ENPP2: variants seen among roughly 807,000 people sequenced by gnomAD.
ENPP2 encodes the protein ectonucleotide pyrophosphatase/phosphodiesterase 2.
A neutral mutation model predicts 120.2 loss-of-function variants in ENPP2; 51 were observed. The observed-to-expected ratio is 0.42, with a 90% CI of 0.34 to 0.54. The LOEUF (loss-of-function observed/expected upper bound fraction) is 0.54. Among genes scored for constraint, ENPP2 ranks in the 20% least tolerant of loss-of-function variants. The pLI is 0.04. For missense variants in ENPP2, 920 were observed against 1,066.5 expected (o/e 0.86, Z 1.91); for synonymous variants, 365 against 366.4 (o/e 1.00, Z 0.04).
chr8:119,633,599 T>G (rs1181295214), intron 2 of ENPP2, among the ~76,000 whole-genome samples: 3 of 152,058 alleles, frequency 2.0e-5, no homozygotes, highest in Admixed American at 2.0e-4. Context: ...ATTATGCCTC[T>G]TCTGGAGTAT....
intron 5 of ENPP2, 32 bp from the exon 6 acceptor site, chr8:119,617,595 CATT>C (rs1303737526): frequency 6.2e-6 from 9 of 1,454,808 alleles, no homozygotes; most frequent in Non-Finnish European, 9.6e-7. Flanking sequence ...CTTTTAGAAA[CATT>C]ATTACCAGAG....
chr8:119,557,220 G>T lies in ENPP2; in HGVS notation c.*301C>A, dbSNP rs555705100. 4.0e-4 allele frequency: 120 copies of T among 296,858 alleles called. 1 individual carries two copies. Among genetic ancestry groups the T allele is most frequent in the Middle Eastern group, 2.2e-3 (2 of 928 alleles). 18.4% of individuals were successfully genotyped at this position (296,858 alleles called of 1,614,324 possible). On this transcript the variant is annotated 3_prime_UTR_variant, in exon 25 of 25. Transcript: ENST00000075322. ...TTCCATACAGTACAGGACTAAATGTGGCAACTGTGCATTGGAAAATTAATA... is the reference window on the plus strand; with the variant it reads ...TTCCATACAGTACAGGACTAAATGTTGCAACTGTGCATTGGAAAATTAATA...
intron 11 of ENPP2, chr8:119,595,958 C>G: frequency 6.2e-7 from 1 of 1,614,004 alleles, no homozygotes. Context: ...CAACTTTCCT[C>G]TTAGGTCTCT....
intron 8 of ENPP2, among the ~76,000 whole-genome samples, chr8:119,610,469 T>C (rs1335112207): frequency 6.8e-6 from 1 of 147,792 alleles, no homozygotes; most frequent in African/African-American, 2.5e-5. Context: ...GAAAAGTGAA[T>C]ACAAGCCGAT....
rs1181929902 is a variant in ENPP2, at chr8:119,638,526, A to G, written c.35T>C (p.Ile12Thr). Residue 12 changes from isoleucine to threonine, a missense_variant and splice_region_variant, in exon 2 of 25, where the codon ATA (isoleucine) becomes ACA (threonine). Physicochemically the swap from Ile to Thr is moderately conservative, Grantham distance 89. Coordinates refer to ENST00000075322, the MANE Select transcript of ENPP2 (RefSeq NM_001040092.3). ...ARRSSFQSCQ[I>T]ISLFTFAVGV... The stretch of plus-strand genomic sequence containing the variant: ...AACGGCAAAAGTGAACAGGGATATT[A>G]TCTAAGAGAATAAAGAGACCAAGTT... 2 of 1,547,182 alleles carry G rather than the reference A, an allele frequency of 1.3e-6. No individual in the cohort carries two copies. Among genetic ancestry groups the G allele is most frequent in the South Asian group, 2.2e-5 (2 of 89,780 alleles).
In ENPP2 at chr8:119,617,880, C is replaced by A. The variant is rs1176527868; in HGVS notation, c.480-317G>T. On this transcript the variant is annotated intron_variant, in intron 5 of 24. Transcript: ENST00000075322. ...AGGAGAATCACTTGAACAGGGGAGA[C>A]AGATGTTGCAGTGAGCTGAGATCGC... 2.6e-5 allele frequency among the ~76,000 whole-genome samples: 4 copies of A among 152,084 alleles called. No homozygotes were observed. The East Asian group carries it at 7.7e-4, about 29-fold the overall frequency.
At chr8:119,582,752 C>T (rs184540125) in intron 17 of ENPP2, 150 bp from the exon 18 acceptor site, 16 of 626,952 alleles carry the variant, frequency 2.6e-5, no homozygotes, top group Middle Eastern at 8.6e-4. Flanking sequence ...CAGGCACCCC[C>T]TCCTTACCTC....
chr8:119,611,590 C>T (rs547043436), intron 8 of ENPP2, among the ~76,000 whole-genome samples: 48 of 152,172 alleles, frequency 3.2e-4, no homozygotes, highest in African/African-American at 1.1e-3. Context: ...AATATGCCCC[C>T]GAAGGAAACA....
At chr8:119,564,725 G>A in intron 23 of ENPP2, 98 bp downstream of exon 23, 2 of 855,598 alleles carry the variant, frequency 2.3e-6, no homozygotes, top group Non-Finnish European at 3.4e-6. Context: ...AAACTTAAGG[G>A]GTGTCATCTC....
At chr8:119,668,346 T>C (rs968988376) in intron 1 of ENPP2, among the ~76,000 whole-genome samples, 2 of 152,162 alleles carry the variant, frequency 1.3e-5, no homozygotes, top group African/African-American at 4.8e-5. Context: ...GTTCTAAATA[T>C]GGTCTGAACA....
intron 13 of ENPP2, among the ~76,000 whole-genome samples, chr8:119,587,938 A>T (rs1813227380): frequency 1.3e-5 from 2 of 152,212 alleles, no homozygotes; most frequent in Non-Finnish European, 2.9e-5. Context: ...CCAGTGGAGC[A>T]GGCCTTATCT....
chr8:119,569,738 T>TTGTGTGTGTGTG lies in ENPP2; in HGVS notation c.1918-369_1918-368insCACACACACACA, dbSNP rs754303358. Among the ~76,000 whole-genome samples, 654 of 90,812 alleles carry TTGTGTGTGTGTG rather than the reference T, an allele frequency of 7.2e-3. 4 individuals are homozygous for TTGTGTGTGTGTG. Among genetic ancestry groups the TTGTGTGTGTGTG allele is most frequent in the Middle Eastern group, 0.052 (9 of 174 alleles). 59.6% of individuals were successfully genotyped at this position (90,812 alleles called of 152,430 possible). ...GATGTATCTCCTCTAAATAGACTAT[T>TTGTGTGTGTGTG]TATCTGTGTGTGTGTGTGTGTGTGT... is the stretch of plus-strand genomic sequence containing the variant. On this transcript the variant is annotated intron_variant, in intron 20 of 24. Transcript: ENST00000075322.
intron 9 of ENPP2, among the ~76,000 whole-genome samples, chr8:119,605,614 C>A (rs1375089497): frequency 6.7e-6 from 1 of 148,740 alleles, no homozygotes; most frequent in Non-Finnish European, 1.5e-5. Context: ...ACATGTGTCC[C>A]CATGCCCAGC....
At chr8:119,578,551 G>A (rs1450014036) in intron 19 of ENPP2, 1 of 152,210 alleles carries the variant, frequency 6.6e-6, no homozygotes, top group Non-Finnish European at 1.5e-5. Flanking sequence ...TAGAAGAGAA[G>A]CATCTGAGTA....
intron 1 of ENPP2, among the ~76,000 whole-genome samples, chr8:119,661,345 G>A (rs868157642): frequency 6.6e-6 from 1 of 152,100 alleles, no homozygotes; most frequent in Non-Finnish European, 1.5e-5. Flanking sequence ...AAAAATAATG[G>A]TTGAAGAACC....
chr8:119,559,152 T>C (rs971350087), intron 24 of ENPP2, among the ~76,000 whole-genome samples: 1 of 152,108 alleles, frequency 6.6e-6, no homozygotes, highest in Non-Finnish European at 1.5e-5. Flanking sequence ...AAGACCTAAA[T>C]ATAACTCTAC....
Position 119,632,244 on chromosome 8 carries a change from G to T in ENPP2, c.137-5524C>A, listed in dbSNP as rs180894464. ...AAAACTGAAACATCAACAAACTTGT[G>T]GTATCCCAAATTTTTCATCATTACT... On this transcript the variant is annotated intron_variant, in intron 2 of 24. Transcript: ENST00000075322. 4.3e-4 allele frequency among the ~76,000 whole-genome samples: 66 copies of T among 152,178 alleles called. 1 individual carries two copies. The East Asian group carries it at 0.011, about 26-fold the overall frequency.
rs77383365 is a variant in ENPP2, at chr8:119,615,272, A to G, written c.777+993T>C. On this transcript the variant is annotated intron_variant, in intron 8 of 24. Transcript: ENST00000075322. ...GTGCTGCAGGAAGCCACTGTCTCCAATCAGAATTGGCATGAGATGGAACCA... is the reference window on the plus strand; with the variant it reads ...GTGCTGCAGGAAGCCACTGTCTCCAGTCAGAATTGGCATGAGATGGAACCA... Among the ~76,000 whole-genome samples, 1,129 of 152,110 alleles carry G rather than the reference A, an allele frequency of 7.4e-3. 56 individuals carry two copies. In the East Asian group the frequency reaches 0.12, roughly 16 times the overall value.
chr8:119,618,087 C>T (rs185997208), intron 5 of ENPP2: 3 of 280,922 alleles, frequency 1.1e-5, no homozygotes, highest in Non-Finnish European at 2.1e-5. Flanking sequence ...TGTATGAGAT[C>T]TGTTAAGGTA....
Sources: allele counts gnomAD v4.1 joint callset (sites outside exome capture counted in the v4.1 genomes callset), GRCh38; gene constraint gnomAD v4.1.1; transcripts MANE v1.5; gene names NCBI Gene and HGNC (gene_info 2026-07-23, HGNC 2026-07-21).